The following CCDC85A variants were observed in gnomAD, a reference collection of about 807,000 sequenced individuals.
CCDC85A encodes coiled-coil domain containing 85A.
Under a neutral mutation model 50.2 loss-of-function variants are expected in CCDC85A, and 38 were observed. The ratio of observed to expected loss-of-function variants is 0.76; its 90% CI spans 0.58 to 0.99. The LOEUF is 0.99. Ranked by LOEUF, CCDC85A falls within the 50% of genes least tolerant of loss-of-function variation. The probability of loss-of-function intolerance (pLI) is 0.00; values close to 1 mark genes in which losing one functional copy is unlikely to be tolerated. For missense variants in CCDC85A, 820 were observed against 742.0 expected, an observed-to-expected ratio of 1.11 and a Z score of -1.22; for synonymous variants, 366 against 301.4, an observed-to-expected ratio of 1.21 and a Z score of -2.22.
At chr2:56,299,635 AG>A (rs1672111708) in intron 2 of CCDC85A, among the ~76,000 whole-genome samples, 2 of 152,154 alleles carry the variant, frequency 1.3e-5, no homozygotes, top group South Asian at 2.1e-4. Context: ...GACTCAGAAA[AG>A]GGCATTCCAG....
intron 3 of CCDC85A, among the ~76,000 whole-genome samples, chr2:56,349,727 G>T (rs1465366097): frequency 6.6e-6 from 1 of 152,096 alleles, no homozygotes; most frequent in Non-Finnish European, 1.5e-5. Flanking sequence ...TATTTAATAG[G>T]TACTAAACTA....
chr2:56,385,821 ATCTC>A lies in CCDC85A; in HGVS notation c.*1470_*1473del, dbSNP rs1417076111. Reference sequence around the variant, plus strand: ...TTATGAATTAATTTACTATAGAATTATCTCTCTAATTATCATAATTGGGTTACAA... The same window carrying A: ...TTATGAATTAATTTACTATAGAATTATCTAATTATCATAATTGGGTTACAA... On this transcript the variant is annotated 3_prime_UTR_variant, in exon 6 of 6. Transcript: ENST00000407595. 1 of 151,710 alleles carries A rather than the reference ATCTC, an allele frequency of 6.6e-6. No homozygotes were observed. Among genetic ancestry groups the A allele is most frequent in the East Asian group, 1.9e-4 (1 of 5,160 alleles). The allele number at this position is 151,710 out of a possible 1,614,324, so 9.4% of individuals were successfully genotyped here.
Position 56,327,970 on chromosome 2 carries a change from C to T in CCDC85A, c.1241-14909C>T, listed in dbSNP as rs181965213. ...TTATTAATTCACTTGATTTTCACAACAATCTAATAAGGAAGATACTGTAAT... is the reference window on the plus strand; with the variant it reads ...TTATTAATTCACTTGATTTTCACAATAATCTAATAAGGAAGATACTGTAAT... On this transcript the variant is annotated intron_variant, in intron 2 of 5. Transcript: ENST00000407595. Among the ~76,000 whole-genome samples the T allele has an allele frequency of 6.6e-5, 10 of 151,868 alleles. No individual in the cohort carries two copies. In the East Asian group the frequency reaches 1.9e-3, roughly 30 times the overall value.
chr2:56,295,120 C>T (rs530136637), intron 2 of CCDC85A, among the ~76,000 whole-genome samples: 1 of 148,460 alleles, frequency 6.7e-6, no homozygotes, highest in South Asian at 2.1e-4. Context: ...CTGAATGGAC[C>T]AGTTGTTTTG....
intron 1 of CCDC85A, among the ~76,000 whole-genome samples, chr2:56,190,297 G>C (rs1676242392): frequency 6.6e-6 from 1 of 152,256 alleles, no homozygotes; most frequent in Admixed American, 6.5e-5. Flanking sequence ...AAACTACAGT[G>C]CCTCAAGGAA....
intron 2 of CCDC85A, among the ~76,000 whole-genome samples, chr2:56,257,120 A>G (rs1023702281): frequency 6.6e-6 from 1 of 152,144 alleles, no homozygotes; most frequent in Admixed American, 6.5e-5. Context: ...TAAAACATTT[A>G]GTGAATACCT....
Position 56,375,836 on chromosome 2 carries a change from A to G in CCDC85A, c.1473A>G (p.Ser491=), listed in dbSNP as rs1220802164. The G allele has an allele frequency of 6.2e-7, 1 of 1,613,702 alleles. No homozygotes were observed. Among genetic ancestry groups the G allele is most frequent in the Admixed American group, 1.7e-5 (1 of 59,960 alleles). The change falls in exon 5 of 6, where the codon TCA becomes TCG. Residue 491 remains serine, a synonymous_variant. Transcript: ENST00000407595. Reference sequence around the variant, plus strand: ...CTAAGGGTTCTTTTAGGTTGTCATCAGGGGCTGATGGGAGTAACAGTTCAC... The same window carrying G: ...CTAAGGGTTCTTTTAGGTTGTCATCGGGGGCTGATGGGAGTAACAGTTCAC... ...PTLPGSFRLS[S]GADGSNSSPN...
intron 2 of CCDC85A, among the ~76,000 whole-genome samples, chr2:56,204,436 A>G (rs1372495578): frequency 6.6e-6 from 1 of 152,200 alleles, no homozygotes; most frequent in Non-Finnish European, 1.5e-5. Context: ...GATTTCACAC[A>G]GGTTTGTATG....
intron 2 of CCDC85A, among the ~76,000 whole-genome samples, chr2:56,338,702 A>G (rs1213097970): frequency 6.6e-6 from 1 of 152,162 alleles, no homozygotes; most frequent in African/African-American, 2.4e-5. Context: ...TAAGTAACAA[A>G]CCTCAAAATC....
chr2:56,258,502 A>G (rs982099670), intron 2 of CCDC85A, among the ~76,000 whole-genome samples: 18 of 152,156 alleles, frequency 1.2e-4, no homozygotes, highest in Admixed American at 9.8e-4. Flanking sequence ...GTCCTTCTCC[A>G]CAGAGAGTTA....
chr2:56,317,882 C>T (rs146767794), intron 2 of CCDC85A, among the ~76,000 whole-genome samples: 7 of 152,186 alleles, frequency 4.6e-5, no homozygotes, highest in Non-Finnish European at 8.8e-5. Context: ...TACCTATGAT[C>T]GCTTCACTCT....
chr2:56,308,333 C>T (rs978908310), intron 2 of CCDC85A, among the ~76,000 whole-genome samples: 13 of 152,160 alleles, frequency 8.5e-5, no homozygotes, highest in Non-Finnish European at 1.3e-4. Flanking sequence ...GTTGGGGGAA[C>T]GTTCATCAAC....
intron 3 of CCDC85A, among the ~76,000 whole-genome samples, chr2:56,354,133 A>G (rs765207679): frequency 6.6e-6 from 1 of 152,368 alleles, no homozygotes; most frequent in Non-Finnish European, 1.5e-5. Context: ...TCACAGAGGG[A>G]ATTTAAATAA....
intron 2 of CCDC85A, among the ~76,000 whole-genome samples, chr2:56,276,839 G>A (rs906438839): frequency 1.1e-4 from 16 of 152,190 alleles, no homozygotes; most frequent in Admixed American, 1.3e-4. Flanking sequence ...CTTGAAGGTT[G>A]ATGTACATCT....
intron 5 of CCDC85A, among the ~76,000 whole-genome samples, chr2:56,380,446 G>C (rs1356978975): frequency 6.6e-6 from 1 of 151,952 alleles, no homozygotes; most frequent in Non-Finnish European, 1.5e-5. Context: ...TATAGTCCCA[G>C]CACTTTGGGA....
chr2:56,355,564 A>G (rs1158430128), intron 3 of CCDC85A, among the ~76,000 whole-genome samples: 3 of 152,188 alleles, frequency 2.0e-5, no homozygotes, highest in African/African-American at 7.2e-5. Context: ...CGATTTTTGT[A>G]ACTCATATAG....
chr2:56,350,320 C>T (rs1674853296), intron 3 of CCDC85A, among the ~76,000 whole-genome samples: 1 of 152,018 alleles, frequency 6.6e-6, no homozygotes, highest in African/African-American at 2.4e-5. Flanking sequence ...CCTATAATCC[C>T]AGCACTTTGG....
At chr2:56,310,503 C>T (rs1208841841) in intron 2 of CCDC85A, among the ~76,000 whole-genome samples, 2 of 152,186 alleles carry the variant, frequency 1.3e-5, no homozygotes, top group South Asian at 2.1e-4. Context: ...CAACTTATAA[C>T]GTGGCCTAAG....
At chr2:56,290,884 CAA>C (rs1671671162) in intron 2 of CCDC85A, among the ~76,000 whole-genome samples, 1 of 152,082 alleles carries the variant, frequency 6.6e-6, no homozygotes, top group African/African-American at 2.4e-5. Context: ...TGGGTTAAAA[CAA>C]AGTCAGGTTT....
Sources: gnomAD v4.1 joint callset for allele counts (sites outside exome capture counted in the v4.1 genomes callset) on GRCh38, gnomAD v4.1.1 for gene constraint, MANE v1.5 for transcripts, NCBI Gene and HGNC (gene_info 2026-07-23, HGNC 2026-07-21) for gene names.